ADARB2: variants seen among roughly 807,000 people sequenced by gnomAD.
ADARB2 encodes inactive double-stranded RNA-specific editase B2.
ADARB2 carries 25 observed loss-of-function variants against 62.2 expected under a neutral mutation model. That is an observed-to-expected ratio of 0.40 (90% CI 0.29 to 0.56). The LOEUF is 0.56. Among genes scored for constraint, ADARB2 ranks in the 20% least tolerant of loss-of-function variants. The pLI is 0.43. For missense variants in ADARB2, 1,071 were observed against 1,077.4 expected, an observed-to-expected ratio of 0.99 and a Z score of 0.08; for synonymous variants, 572 against 500.8, an observed-to-expected ratio of 1.14 and a Z score of -1.90.
chr10:1,462,540 T>C (rs1208830979), intron 1 of ADARB2, among the ~76,000 whole-genome samples: 1 of 152,030 alleles, frequency 6.6e-6, no homozygotes, highest in African/African-American at 2.4e-5. Context: ...CCTGTGTGTA[T>C]GTACATGAGT....
At chr10:1,665,942 A>G (rs1213866067) in intron 1 of ADARB2, among the ~76,000 whole-genome samples, 1 of 152,166 alleles carries the variant, frequency 6.6e-6, no homozygotes, top group South Asian at 2.1e-4. Context: ...TAGCACAGCA[A>G]CGAAGCACTC....
rs1255144378 is a variant in ADARB2 at position 1,470,122 on chromosome 10, C to CCCAGGGTCATCTGACCTGACCCTCTA, written c.101-90963_101-90962insTAGAGGGTCAGGTCAGATGACCCTGG. On this transcript the variant is annotated intron_variant, in intron 1 of 9. Coordinates refer to ENST00000381312, the MANE Select transcript of ADARB2 (RefSeq NM_018702.4). ...CCAGGGTCATCTGACCTGACCCTCT[C>CCCAGGGTCATCTGACCTGACCCTCTA]CCAGCTGCGTCCATCCCGTCTCACA... Among the ~76,000 whole-genome samples the CCCAGGGTCATCTGACCTGACCCTCTA allele has an allele frequency of 3.9e-5, 6 of 152,220 alleles. No homozygotes were observed. In the South Asian group the frequency reaches 1.2e-3, roughly 32 times the overall value.
chr10:1,476,629 C>T (rs1023201364), intron 1 of ADARB2, among the ~76,000 whole-genome samples: 3 of 152,170 alleles, frequency 2.0e-5, no homozygotes, highest in Admixed American at 6.5e-5. Context: ...TTATAACTTC[C>T]CTACCTTATC....
chr10:1,395,073 T>C (rs184613218), intron 1 of ADARB2, among the ~76,000 whole-genome samples: 28 of 152,206 alleles, frequency 1.8e-4, no homozygotes, highest in African/African-American at 5.3e-4. Flanking sequence ...CGTGCCACCA[T>C]AACTGGCTAT....
intron 1 of ADARB2, among the ~76,000 whole-genome samples, chr10:1,545,401 C>T (rs1832503537): frequency 6.6e-6 from 1 of 152,102 alleles, no homozygotes; most frequent in Admixed American, 6.5e-5. Context: ...TAACAGTAAA[C>T]CATAGATTCT....
chr10:1,200,089 G>T lies in ADARB2; in HGVS notation c.1741C>A (p.Leu581Met). 6.4e-7 allele frequency: 1 copy of T among 1,570,240 alleles called. No individual in the cohort carries two copies. Among genetic ancestry groups the T allele is most frequent in the Non-Finnish European group, 8.6e-7 (1 of 1,159,626 alleles). ...LLSHFVEPVY[L>M]QSIVVGSLHH... The stretch of plus-strand genomic sequence containing the variant: ...AGGCTGCCCACCACGATGCTCTGCA[G>T]GTACACGGGCTCCACGAAGTGGGAC... Residue 581 changes from leucine to methionine, a missense_variant, in exon 8 of 10, where the codon CTG (leucine) becomes ATG (methionine). Physicochemically the swap from Leu to Met is conservative, Grantham distance 15. Coordinates refer to ENST00000381312, the MANE Select transcript of ADARB2 (RefSeq NM_018702.4).
At chr10:1,680,232 T>C (rs1390711730) in intron 1 of ADARB2, among the ~76,000 whole-genome samples, 1 of 152,044 alleles carries the variant, frequency 6.6e-6, no homozygotes, top group African/African-American at 2.4e-5. Flanking sequence ...TTCTTTCCTG[T>C]GTAATCCACC....
At chr10:1,539,447 G>A (rs1223315007) in intron 1 of ADARB2, among the ~76,000 whole-genome samples, 1 of 152,200 alleles carries the variant, frequency 6.6e-6, no homozygotes, top group Admixed American at 6.5e-5. Context: ...ACAGAAAGGG[G>A]ACATTGGGCC....
At chr10:1,582,989 T>C (rs953622290) in intron 1 of ADARB2, among the ~76,000 whole-genome samples, 1 of 152,224 alleles carries the variant, frequency 6.6e-6, no homozygotes, top group Non-Finnish European at 1.5e-5. Flanking sequence ...GCCACTTGTG[T>C]CTCTGTATTC....
intron 1 of ADARB2, among the ~76,000 whole-genome samples, chr10:1,385,580 A>C (rs948826592): frequency 1.3e-5 from 2 of 152,142 alleles, no homozygotes; most frequent in Admixed American, 1.3e-4. Flanking sequence ...CAATAGAAAC[A>C]ATCAAAACTA....
chr10:1,687,711 G>A (rs980078219), intron 1 of ADARB2, among the ~76,000 whole-genome samples: 6 of 151,914 alleles, frequency 3.9e-5, no homozygotes, highest in African/African-American at 9.7e-5. Context: ...AAAGACCCCC[G>A]GGTCCAAGGC....
At chr10:1,618,591 C>G (rs1833670591) in intron 1 of ADARB2, among the ~76,000 whole-genome samples, 1 of 151,878 alleles carries the variant, frequency 6.6e-6, no homozygotes, top group African/African-American at 2.4e-5. Flanking sequence ...TTCACATATG[C>G]TGGAGTGCAG....
At chr10:1,501,280 T>C (rs1182244512) in intron 1 of ADARB2, among the ~76,000 whole-genome samples, 1 of 152,190 alleles carries the variant, frequency 6.6e-6, no homozygotes, top group Non-Finnish European at 1.5e-5. Flanking sequence ...GAAACAGTTT[T>C]GAGTCTCCTG....
chr10:1,262,724 G>A (rs550469249), intron 4 of ADARB2, among the ~76,000 whole-genome samples: 3 of 152,126 alleles, frequency 2.0e-5, no homozygotes, highest in African/African-American at 7.2e-5. Context: ...TCAGTGTGGC[G>A]ATTCCTCAGG....
intron 1 of ADARB2, among the ~76,000 whole-genome samples, chr10:1,505,022 C>T (rs1831820907): frequency 6.6e-6 from 1 of 151,804 alleles, no homozygotes; most frequent in Non-Finnish European, 1.5e-5. Context: ...CACAAACACA[C>T]AGACACAGCC....
chr10:1,529,353 A>T (rs896242899), intron 1 of ADARB2, among the ~76,000 whole-genome samples: 2 of 151,952 alleles, frequency 1.3e-5, no homozygotes, highest in African/African-American at 4.8e-5. Context: ...AAATCCTCCA[A>T]TCAGTCCATG....
At chr10:1,403,776 T>C (rs969868931) in intron 1 of ADARB2, among the ~76,000 whole-genome samples, 1 of 152,212 alleles carries the variant, frequency 6.6e-6, no homozygotes, top group African/African-American at 2.4e-5. Flanking sequence ...AATGCAGTAT[T>C]GGAGGCACGT....
chr10:1,413,294 T>A (rs906719989), intron 1 of ADARB2, among the ~76,000 whole-genome samples: 2 of 152,010 alleles, frequency 1.3e-5, no homozygotes, highest in Non-Finnish European at 2.9e-5. Context: ...CCAGCCCCAA[T>A]CCCGACACTG....
intron 3 of ADARB2, among the ~76,000 whole-genome samples, chr10:1,271,757 C>T (rs1157646663): frequency 2.0e-5 from 3 of 152,184 alleles, no homozygotes; most frequent in Non-Finnish European, 4.4e-5. Flanking sequence ...GCTCTGTGGC[C>T]GCCCTTTCCC....
Sources: allele counts gnomAD v4.1 joint callset (sites outside exome capture counted in the v4.1 genomes callset), GRCh38; gene constraint gnomAD v4.1.1; transcripts MANE v1.5; gene names NCBI Gene and HGNC (gene_info 2026-07-23, HGNC 2026-07-21).